Variants in ITGA9 observed in about 807,000 individuals in gnomAD.
The protein encoded by ITGA9 is integrin alpha-9.
Under a neutral mutation model 127.8 loss-of-function variants are expected in ITGA9, and 56 were observed. The observed-to-expected ratio is 0.44, with a 90% CI of 0.35 to 0.55. ITGA9 has a LOEUF of 0.55. Ranked by LOEUF, ITGA9 falls within the 20% of genes least tolerant of loss-of-function variation. The pLI is 0.00. For missense variants in ITGA9, 1,196 were observed against 1,347.1 expected, an observed-to-expected ratio of 0.89 and a Z score of 1.76; for synonymous variants, 508 against 514.5, an observed-to-expected ratio of 0.99 and a Z score of 0.17.
At chr3:37,803,734 A>C in intron 26 of ITGA9, 89 bp from the exon 27 acceptor site, 1 of 1,497,992 alleles carries the variant, frequency 6.7e-7, no homozygotes, top group South Asian at 1.2e-5. Context: ...AGATTGTGCC[A>C]TTGCACTCCA....
At chr3:37,508,691 C>A in intron 8 of ITGA9, 64 bp downstream of exon 8, 1 of 1,417,486 alleles carries the variant, frequency 7.1e-7, no homozygotes, top group Non-Finnish European at 1.0e-6. Flanking sequence ...GGAGTCAGTA[C>A]TTTTTAGAAA....
rs925770615 is a variant in ITGA9, at chr3:37,653,591, G to A, written c.1840-123G>A. On this transcript the variant is annotated intron_variant, in intron 16 of 27. Coordinates refer to ENST00000264741, the MANE Select transcript of ITGA9 (RefSeq NM_002207.3). ...TGGAGAGCTGGCTTTTTGGAGGTGG[G>A]AGTAGAAGCCCTGAGGGGCTCAGGG... 8.8e-6 allele frequency: 7 copies of A among 796,752 alleles called. No homozygotes were observed. In the Admixed American group the frequency reaches 1.2e-4, roughly 14 times the overall value. 49.4% of individuals were successfully genotyped at this position (796,752 alleles called of 1,614,324 possible).
chr3:37,475,332 C>T (rs946098232), intron 3 of ITGA9, among the ~76,000 whole-genome samples: 1 of 152,228 alleles, frequency 6.6e-6, no homozygotes, highest in African/African-American at 2.4e-5. Flanking sequence ...GGCATCGAGC[C>T]TAGAGTCAGA....
intron 20 of ITGA9, 46 bp from the exon 21 acceptor site, chr3:37,741,684 C>A: frequency 6.9e-7 from 1 of 1,455,160 alleles, no homozygotes; most frequent in South Asian, 1.2e-5. Flanking sequence ...CACTGCTGGA[C>A]AGCTAGTGTT....
intron 15 of ITGA9, among the ~76,000 whole-genome samples, chr3:37,553,550 A>G (rs1448317796): frequency 1.3e-5 from 2 of 152,246 alleles, no homozygotes; most frequent in Admixed American, 1.3e-4. Flanking sequence ...TTAAAAACAT[A>G]TACATCCAAC....
chr3:37,613,153 C>G (rs996837796), intron 15 of ITGA9, among the ~76,000 whole-genome samples: 3 of 150,854 alleles, frequency 2.0e-5, no homozygotes, highest in South Asian at 2.1e-4. Flanking sequence ...GTGATGTTCC[C>G]CTTCCTGTGT....
chr3:37,692,408 AGAGAGTGTGTGT>A (rs1047225539), intron 18 of ITGA9, among the ~76,000 whole-genome samples: 2 of 137,706 alleles, frequency 1.5e-5, no homozygotes, highest in Non-Finnish European at 3.0e-5. Context: ...TGAGAGAGAG[AGAGAGTGTGTGT>A]GTGTGTGTGT....
chr3:37,777,129 A>G (rs2276002), intron 23 of ITGA9, among the ~76,000 whole-genome samples: 35,079 of 152,090 alleles, frequency 0.23, 4,428 homozygotes, highest in East Asian at 0.35. Flanking sequence ...AAGTCTTCCT[A>G]TTTCCTAGTC....
At chr3:37,631,394 T>C (rs953098539) in intron 16 of ITGA9, among the ~76,000 whole-genome samples, 35 of 152,202 alleles carry the variant, frequency 2.3e-4, no homozygotes, top group African/African-American at 8.2e-4. Context: ...AGCAGCCCAA[T>C]CAAAGCCAGA....
intron 18 of ITGA9, among the ~76,000 whole-genome samples, chr3:37,687,083 CA>C (rs1240785252): frequency 2.0e-5 from 3 of 151,840 alleles, no homozygotes; most frequent in Non-Finnish European, 4.4e-5. Context: ...TAATAGAAAA[CA>C]AAAGTAAATT....
chr3:37,503,401 T>A (rs746757863), intron 6 of ITGA9, 94 bp downstream of exon 6: 2 of 1,444,008 alleles, frequency 1.4e-6, no homozygotes, highest in Non-Finnish European at 1.9e-6. Flanking sequence ...GAAAGAGGAG[T>A]TAGTTGGCTT....
At chr3:37,635,431 AC>A (rs1216830650) in intron 16 of ITGA9, among the ~76,000 whole-genome samples, 1 of 152,186 alleles carries the variant, frequency 6.6e-6, no homozygotes, top group Non-Finnish European at 1.5e-5. Context: ...AGATTGCAAA[AC>A]TTGATGAAAC....
chr3:37,594,503 T>G (rs78872495), intron 15 of ITGA9, among the ~76,000 whole-genome samples: 2 of 20,496 alleles, frequency 9.8e-5, no homozygotes, highest in Non-Finnish European at 2.3e-4. Context: ...GAAGTTTGTA[T>G]TTTTTTTTTT....
intron 23 of ITGA9, among the ~76,000 whole-genome samples, chr3:37,756,664 T>C (rs1195004059): frequency 6.6e-6 from 1 of 152,196 alleles, no homozygotes; most frequent in Non-Finnish European, 1.5e-5. Context: ...AAGAAACTAA[T>C]TTATATGGAG....
At chr3:37,716,540 T>C (rs1298287446) in intron 18 of ITGA9, among the ~76,000 whole-genome samples, 1 of 150,198 alleles carries the variant, frequency 6.7e-6, no homozygotes, top group African/African-American at 2.5e-5. Context: ...AATGGCCAAT[T>C]TATCTCTCCC....
intron 18 of ITGA9, among the ~76,000 whole-genome samples, chr3:37,692,516 TAAGAA>T: frequency 1.3e-5 from 2 of 152,146 alleles, no homozygotes; most frequent in East Asian, 3.9e-4. Flanking sequence ...TGCTTGTACT[TAAGAA>T]AATAAAATTA....
At chr3:37,634,091 A>G (rs556187871) in intron 16 of ITGA9, among the ~76,000 whole-genome samples, 1 of 152,284 alleles carries the variant, frequency 6.6e-6, no homozygotes, top group South Asian at 2.1e-4. Flanking sequence ...ACCTATAGTA[A>G]TACAAAAATA....
At chr3:37,751,893 A>G (rs1696590545) in intron 23 of ITGA9, among the ~76,000 whole-genome samples, 1 of 152,198 alleles carries the variant, frequency 6.6e-6, no homozygotes, top group Non-Finnish European at 1.5e-5. Context: ...CCATCTGGAT[A>G]GCCCAGCCTG....
chr3:37,768,540 A>G (rs1163225620), intron 23 of ITGA9, among the ~76,000 whole-genome samples: 1 of 152,186 alleles, frequency 6.6e-6, no homozygotes, highest in African/African-American at 2.4e-5. Context: ...TTCAAACTCA[A>G]GGAGCGTGTG....
Sources: gnomAD v4.1 joint callset for allele counts (sites outside exome capture counted in the v4.1 genomes callset) on GRCh38, gnomAD v4.1.1 for gene constraint, MANE v1.5 for transcripts, NCBI Gene and HGNC (gene_info 2026-07-23, HGNC 2026-07-21) for gene names.